EPHA6: variants seen among roughly 807,000 people sequenced by gnomAD.
EPHA6 encodes the protein ephrin type-A receptor 6.
EPHA6 carries 50 observed loss-of-function variants against 112.0 expected under a neutral mutation model. The observed-to-expected ratio is 0.45, with a 90% confidence interval of 0.36 to 0.56. The LOEUF is 0.56. EPHA6 is among the 20% of genes least tolerant of loss of function. The probability of loss-of-function intolerance (pLI) is 0.00; values close to 1 mark genes in which losing one functional copy is unlikely to be tolerated. For synonymous variants in EPHA6, 529 were observed against 490.7 expected (o/e 1.08, Z -1.03); for missense variants, 1,280 against 1,417.4 (o/e 0.90, Z 1.56).
At chr3:97,330,511 T>C (rs2082732899) in intron 5 of EPHA6, among the ~76,000 whole-genome samples, 2 of 152,144 alleles carry the variant, frequency 1.3e-5, no homozygotes, top group Admixed American at 6.6e-5. Flanking sequence ...TGGTTTGTAG[T>C]TCTCTTTGAC....
chr3:97,656,863 T>C (rs1407793863), intron 14 of EPHA6, among the ~76,000 whole-genome samples: 1 of 151,918 alleles, frequency 6.6e-6, no homozygotes, highest in African/African-American at 2.4e-5. Context: ...ACACACAAAG[T>C]TTCACTGTAC....
chr3:96,907,079 T>G (rs2038973215), intron 2 of EPHA6, among the ~76,000 whole-genome samples: 1 of 151,874 alleles, frequency 6.6e-6, no homozygotes, highest in Non-Finnish European at 1.5e-5. Flanking sequence ...CCTGATGAAC[T>G]ATTATGGAAC....
At chr3:97,563,226 G>A (rs907360630) in intron 11 of EPHA6, among the ~76,000 whole-genome samples, 12 of 152,150 alleles carry the variant, frequency 7.9e-5, no homozygotes, top group African/African-American at 2.9e-4. Context: ...GAGGGCTGGA[G>A]ACTATTTGAA....
chr3:97,000,376 T>C (rs1166312752), intron 3 of EPHA6, among the ~76,000 whole-genome samples: 3 of 151,230 alleles, frequency 2.0e-5, no homozygotes, highest in African/African-American at 7.3e-5. Context: ...ATTTTATATA[T>C]ATATATGTAT....
chr3:97,038,255 T>G (rs1273474231), intron 3 of EPHA6, among the ~76,000 whole-genome samples: 1 of 152,022 alleles, frequency 6.6e-6, no homozygotes, highest in East Asian at 1.9e-4. Flanking sequence ...TAAGTCTTAT[T>G]TCTTTTATCA....
rs532356451 is a variant in EPHA6 at position 97,009,754 on chromosome 3, A to G, written c.1114+21761A>G. Among the ~76,000 whole-genome samples the G allele has an allele frequency of 2.0e-5, 3 of 152,340 alleles. No individual in the cohort carries two copies. In the South Asian group the frequency reaches 6.2e-4, roughly 32 times the overall value. ...TTTCATGAGTGGGATCTTTCGATCC[A>G]TGGGTTGCACAGTTCCACAGAAAAA... On this transcript the variant is annotated intron_variant, in intron 3 of 17. Coordinates refer to ENST00000389672, the MANE Select transcript of EPHA6 (RefSeq NM_001080448.3).
At chr3:97,584,826 G>A (rs1431245642) in intron 11 of EPHA6, among the ~76,000 whole-genome samples, 2 of 152,164 alleles carry the variant, frequency 1.3e-5, no homozygotes, top group African/African-American at 2.4e-5. Flanking sequence ...ACCGCTAATA[G>A]GCAGTCCTCA....
At chr3:97,532,332 A>C in intron 10 of EPHA6, 26 bp from the exon 11 acceptor site, 1 of 1,578,926 alleles carries the variant, frequency 6.3e-7, no homozygotes. Flanking sequence ...GTTTAATCAA[A>C]TAACTGCTTT....
intron 14 of EPHA6, among the ~76,000 whole-genome samples, chr3:97,716,647 C>T (rs1468692200): frequency 6.6e-6 from 1 of 150,536 alleles, no homozygotes; most frequent in East Asian, 2.0e-4. Flanking sequence ...GGAACGGAGA[C>T]TATGCAGTGC....
chr3:97,532,064 T>G (rs1344791890), intron 10 of EPHA6, among the ~76,000 whole-genome samples: 2 of 152,072 alleles, frequency 1.3e-5, no homozygotes, highest in Non-Finnish European at 2.9e-5. Flanking sequence ...TTCTATAGAA[T>G]TACATTAGCA....
chr3:97,038,974 A>C (rs1450336245), intron 3 of EPHA6, among the ~76,000 whole-genome samples: 1 of 151,958 alleles, frequency 6.6e-6, no homozygotes, highest in African/African-American at 2.4e-5. Context: ...GGCACTGTAT[A>C]TTCGGTTTTG....
intron 4 of EPHA6, among the ~76,000 whole-genome samples, chr3:97,227,582 T>C (rs531559417): frequency 9.2e-5 from 14 of 152,294 alleles, no homozygotes; most frequent in South Asian, 4.1e-4. Context: ...CTGGGAAATA[T>C]AGCCTCTGAC....
At chr3:97,050,457 G>A (rs1194981637) in intron 3 of EPHA6, among the ~76,000 whole-genome samples, 2 of 152,164 alleles carry the variant, frequency 1.3e-5, no homozygotes, top group Admixed American at 1.3e-4. Context: ...CAGTAAGTAA[G>A]CTTAGAAGAG....
chr3:97,367,340 T>C (rs6770349), intron 5 of EPHA6, among the ~76,000 whole-genome samples: 21,301 of 152,074 alleles, frequency 0.14, 4,657 homozygotes, highest in African/African-American at 0.47. Flanking sequence ...AACCCCGGCC[T>C]ATTCTGCAGC....
chr3:96,935,011 C>G (rs1449577145), intron 2 of EPHA6, among the ~76,000 whole-genome samples: 1 of 151,418 alleles, frequency 6.6e-6, no homozygotes, highest in Non-Finnish European at 1.5e-5. Flanking sequence ...TATAAAGATT[C>G]AAATATTGGT....
chr3:96,874,312 T>C (rs2036818267), intron 2 of EPHA6, among the ~76,000 whole-genome samples: 1 of 152,138 alleles, frequency 6.6e-6, no homozygotes, highest in Non-Finnish European at 1.5e-5. Context: ...AGCCTAGGAA[T>C]ATCTGGTGCA....
chr3:97,652,064 G>A (rs1240443351), intron 14 of EPHA6, among the ~76,000 whole-genome samples: 9 of 151,938 alleles, frequency 5.9e-5, no homozygotes, highest in African/African-American at 1.5e-4. Flanking sequence ...CATACTCCAT[G>A]TTTTGCTCCC....
Position 96,819,420 on chromosome 3 carries a change from A to T in EPHA6, c.385+4412A>T, listed in dbSNP as rs150607325. Among the ~76,000 whole-genome samples the T allele has an allele frequency of 2.2e-4, 34 of 152,118 alleles. No individual in the cohort carries two copies. In the East Asian group the frequency reaches 6.6e-3, roughly 29 times the overall value. ...CCTCTACCAACCCTTTTTCCCTATC[A>T]CAATTTCAGTAACTCTCTCTCTTTC... is the stretch of plus-strand genomic sequence containing the variant. On this transcript the variant is annotated intron_variant, in intron 1 of 17. Transcript: ENST00000389672.
At chr3:97,611,005 G>A (rs1428251810) in intron 13 of EPHA6, among the ~76,000 whole-genome samples, 151 bp downstream of exon 13, 1 of 151,670 alleles carries the variant, frequency 6.6e-6, no homozygotes, top group East Asian at 1.9e-4. Context: ...CCCTGATACT[G>A]TGATACATTA....
Sources: allele counts gnomAD v4.1 joint callset (sites outside exome capture counted in the v4.1 genomes callset), GRCh38; gene constraint gnomAD v4.1.1; transcripts MANE v1.5; gene names NCBI Gene and HGNC (gene_info 2026-07-23, HGNC 2026-07-21).